The following TRIM14 variants were observed in gnomAD, a reference collection of about 807,000 sequenced individuals.
TRIM14 encodes the protein tripartite motif-containing protein 14.
Under a neutral mutation model 44.5 loss-of-function variants are expected in TRIM14, and 28 were observed. That is an observed-to-expected ratio of 0.63 (90% CI 0.47 to 0.86). TRIM14 has a LOEUF of 0.86. Ranked by LOEUF, TRIM14 falls within the 40% of genes least tolerant of loss-of-function variation. TRIM14 has a pLI of 0.00. For synonymous variants in TRIM14, 299 were observed against 269.2 expected (o/e 1.11, Z -1.08); for missense variants, 607 against 611.1 (o/e 0.99, Z 0.07).
At chr9:98,115,799 A>G (rs1217682225) in intron 1 of TRIM14, 1 of 152,218 alleles carries the variant, frequency 6.6e-6, no homozygotes, top group Non-Finnish European at 1.5e-5. Context: ...CAAGGCTTTG[A>G]CTGAAATGAT....
At chr9:98,076,801 G>A (rs1417819939) in intron 6 of TRIM14, 5 of 729,442 alleles carry the variant, frequency 6.9e-6, no homozygotes, top group Non-Finnish European at 9.1e-6. Context: ...AAGTTGCTGA[G>A]CGTCCCTCTA....
Position 98,084,943 on chromosome 9 carries a change from T to C in TRIM14, c.*2527A>G, listed in dbSNP as rs1825719114. ...ATTATCCCCATTTTATAGATGGCAC[T>C]GAGAAGTAAAAAGTGACTAGCCCTG... On this transcript the variant is annotated 3_prime_UTR_variant, in exon 6 of 6. Transcript: ENST00000341469. 6.6e-6 allele frequency: 1 copy of C among 152,182 alleles called. No individual in the cohort carries two copies. The highest frequency in any genetic ancestry group is 2.4e-5 in the African/African-American group (1 of 41,432). 9.4% of individuals were successfully genotyped at this position (152,182 alleles called of 1,614,324 possible).
chr9:98,110,004 G>GA lies in TRIM14; in HGVS notation c.208-21dup. ...GAGTTTCTGTACAGGAGGGAGTTAG[G>GA]AAAAAAGTCGTAATACTGTCACTTT... is the stretch of plus-strand genomic sequence containing the variant. On this transcript the variant is annotated intron_variant, in intron 1 of 5. Transcript: ENST00000341469. 1 of 1,590,558 alleles carries GA rather than the reference G, an allele frequency of 6.3e-7. No individual in the cohort carries two copies. The highest frequency in any genetic ancestry group is 8.6e-7 in the Non-Finnish European group (1 of 1,159,628).
chr9:98,065,648 T>C (rs1829125471), downstream of TRIM14, among the ~76,000 whole-genome samples: 1 of 151,682 alleles, frequency 6.6e-6, no homozygotes, highest in African/African-American at 2.4e-5. Context: ...TGCTTTTTTT[T>C]TTTTCCCCCT....
At chr9:98,058,993 T>C in the TRIM14 span, among the ~76,000 whole-genome samples, 47,044 of 151,990 alleles carry the variant, frequency 0.31, 9,452 homozygotes, top group African/African-American at 0.56. Flanking sequence ...GGAGTAGTGA[T>C]CTCAGCACTG....
chr9:98,047,150 T>A, the TRIM14 span, among the ~76,000 whole-genome samples: 1 of 152,162 alleles, frequency 6.6e-6, no homozygotes, highest in Non-Finnish European at 1.5e-5. Context: ...TCCCCCATAC[T>A]GTTCTCATGG....
chr9:98,064,967 A>C (rs1383635888), downstream of TRIM14, among the ~76,000 whole-genome samples: 6 of 152,054 alleles, frequency 3.9e-5, no homozygotes, highest in Non-Finnish European at 8.8e-5. Flanking sequence ...GGTTAGTTAG[A>C]TATATTGCTG....
At chr9:98,080,056 A>G (rs1466887026), downstream of TRIM14, among the ~76,000 whole-genome samples, 1 of 152,182 alleles carries the variant, frequency 6.6e-6, no homozygotes, top group Non-Finnish European at 1.5e-5. Context: ...TCTACTAAAA[A>G]TACAAAAATT....
At chr9:98,045,693 T>C in the TRIM14 span, among the ~76,000 whole-genome samples, 5 of 152,224 alleles carry the variant, frequency 3.3e-5, no homozygotes, top group African/African-American at 9.6e-5. Flanking sequence ...TTAATTCAGC[T>C]GAAGTTTTGC....
chr9:98,088,184 G>A (rs777118208), intron 5 of TRIM14, among the ~76,000 whole-genome samples, 179 bp from the exon 6 acceptor site: 25 of 152,164 alleles, frequency 1.6e-4, no homozygotes, highest in Non-Finnish European at 2.9e-4. Flanking sequence ...TGGGGAAAGG[G>A]GAAGAAGAGA....
chr9:98,058,069 G>A, the TRIM14 span, among the ~76,000 whole-genome samples: 2 of 151,368 alleles, frequency 1.3e-5, no homozygotes, highest in African/African-American at 2.4e-5. Context: ...ACCCACAGGC[G>A]TGAACCACCA....
chr9:98,099,897 G>C, intron 3 of TRIM14, 34 bp downstream of exon 3: 1 of 1,584,798 alleles, frequency 6.3e-7, no homozygotes, highest in Non-Finnish European at 8.7e-7. Flanking sequence ...TGGGTGGCAG[G>C]TGGCAGCAGT....
At chr9:98,068,641 C>A (rs1024359678), downstream of TRIM14, among the ~76,000 whole-genome samples, 2 of 149,004 alleles carry the variant, frequency 1.3e-5, no homozygotes, top group Non-Finnish European at 3.0e-5. Flanking sequence ...ATAGCAAGAC[C>A]CCATCTATTA....
intron 2 of TRIM14, among the ~76,000 whole-genome samples, chr9:98,107,990 G>A (rs923883220): frequency 6.6e-6 from 1 of 151,962 alleles, no homozygotes; most frequent in Non-Finnish European, 1.5e-5. Context: ...GAACTTGGCA[G>A]TGATGGAATA....
At chr9:98,072,953 C>T (rs1829409491) in intron 6 of TRIM14, among the ~76,000 whole-genome samples, 1 of 152,172 alleles carries the variant, frequency 6.6e-6, no homozygotes, top group Non-Finnish European at 1.5e-5. Flanking sequence ...TTTATTAAGG[C>T]CAAGAAAACC....
chr9:98,090,504 G>A (rs1384759526), intron 5 of TRIM14, among the ~76,000 whole-genome samples: 1 of 145,898 alleles, frequency 6.9e-6, no homozygotes, highest in African/African-American at 2.5e-5. Context: ...TACAAAATAT[G>A]TTTCCTTTTT....
intron 2 of TRIM14, among the ~76,000 whole-genome samples, chr9:98,102,127 C>G (rs1270344996): frequency 6.6e-6 from 1 of 152,028 alleles, no homozygotes; most frequent in African/African-American, 2.4e-5. Flanking sequence ...ACAAACAGCT[C>G]ACTAGCACTC....
At chr9:98,061,049 C>T in the TRIM14 span, 1 of 1,580,182 alleles carries the variant, frequency 6.3e-7, no homozygotes, top group Non-Finnish European at 8.7e-7. Flanking sequence ...CAAGGGTCAG[C>T]AGGCAGCCTG....
At chr9:98,082,717 G>T (rs975313583), downstream of TRIM14, 10 of 741,648 alleles carry the variant, frequency 1.3e-5, no homozygotes, top group African/African-American at 1.4e-4. Context: ...AGCAGTGTAG[G>T]GGGCAACAGA....
Sources: allele counts gnomAD v4.1 joint callset (sites outside exome capture counted in the v4.1 genomes callset), GRCh38; gene constraint gnomAD v4.1.1; transcripts MANE v1.5; gene names NCBI Gene and HGNC (gene_info 2026-07-23, HGNC 2026-07-21).